HTR2B: variants seen among roughly 807,000 people sequenced by gnomAD.
The protein encoded by HTR2B is 5-HT 2B receptor.
Under a neutral mutation model 39.8 loss-of-function variants are expected in HTR2B, and 31 were observed. The observed-to-expected ratio is 0.78, with a 90% CI of 0.58 to 1.05. HTR2B has a LOEUF of 1.05. HTR2B is among the 50% of genes least tolerant of loss of function. The pLI is 0.00. For synonymous variants in HTR2B, 210 were observed against 207.1 expected (o/e 1.01, Z -0.12); for missense variants, 562 against 578.0 (o/e 0.97, Z 0.28).
At chr2:231,116,972 GAAAA>G in intron 2 of HTR2B, among the ~76,000 whole-genome samples, 1 of 151,872 alleles carries the variant, frequency 6.6e-6, no homozygotes, top group South Asian at 2.1e-4. Flanking sequence ...ACACAAAAAA[GAAAA>G]AGAGGCTTTT....
Position 231,113,858 on chromosome 2 carries a change from A to T in HTR2B, c.424T>A (p.Ser142Thr). 1 of 1,614,186 alleles carries T rather than the reference A, an allele frequency of 6.2e-7. No individual in the cohort carries two copies. The highest frequency in any genetic ancestry group is 8.5e-7 in the Non-Finnish European group (1 of 1,180,006). The change falls in exon 3 of 4, where the codon TCC (serine) becomes ACC (threonine). Residue 142 changes from serine (S) to threonine (T), a missense_variant. Transcript: ENST00000258400. ...GAAATGGCACAGAGATGCATGATGG[A>T]TGCGGTTGAAAAGAGAACGTCAAGA... ...LFLDVLFSTASIMHLCAISVD... is the reference protein window; with the variant it reads ...LFLDVLFSTATIMHLCAISVD...
At position 231,108,915 on chromosome 2, in the gene HTR2B, A is replaced by G; in HGVS notation, c.1048T>C (p.Cys350Arg). ...FFITNITLVLCDSCNQTTLQM... is the reference protein window; with the variant it reads ...FFITNITLVLRDSCNQTTLQM... ...AGAGTAGTTTGGTTACAGGAATCAC[A>G]TAAAACTAAAGTTATATTTGTAATA... The change falls in exon 4 of 4, where the codon TGT becomes CGT. Residue 350 changes from cysteine (C) to arginine (R), a missense_variant. Coordinates refer to ENST00000258400, the MANE Select transcript of HTR2B (RefSeq NM_000867.5). 1 of 1,614,184 alleles carries G rather than the reference A, an allele frequency of 6.2e-7. No homozygotes were observed.
intron 2 of HTR2B, among the ~76,000 whole-genome samples, chr2:231,119,568 A>G (rs1695459171): frequency 6.6e-6 from 1 of 152,140 alleles, no homozygotes; most frequent in Non-Finnish European, 1.5e-5. Flanking sequence ...ATCATGAGGC[A>G]TCAATTGAAA....
Position 231,108,440 on chromosome 2 carries a change from A to G in HTR2B, c.*77T>C, listed in dbSNP as rs1057029086. The G allele has an allele frequency of 9.9e-7, 1 of 1,009,240 alleles. No individual in the cohort carries two copies. The highest frequency in any genetic ancestry group is 1.5e-6 in the Non-Finnish European group (1 of 658,688). 62.5% of individuals were successfully genotyped at this position (1,009,240 alleles called of 1,614,324 possible). A position where few individuals can be genotyped will look rare whatever the true frequency, so the allele number is the denominator to read the frequency against. On this transcript the variant is annotated 3_prime_UTR_variant, in exon 4 of 4. Transcript: ENST00000258400. ...TGATATATGACATAAAATTCTTTAT[A>G]TAATATATTCTTGGCACATTTACAT...
At chr2:231,112,659 T>C (rs1267261778) in intron 3 of HTR2B, among the ~76,000 whole-genome samples, 6 of 152,198 alleles carry the variant, frequency 3.9e-5, no homozygotes, top group Non-Finnish European at 5.9e-5. Flanking sequence ...GGTCAAACCA[T>C]TGTAATTTTT....
intron 3 of HTR2B, among the ~76,000 whole-genome samples, chr2:231,109,957 G>C (rs1695099035): frequency 6.6e-6 from 1 of 152,134 alleles, no homozygotes; most frequent in South Asian, 2.1e-4. Context: ...TCATTAAAAA[G>C]TGCTACTTAA....
intron 2 of HTR2B, 147 bp from the exon 3 acceptor site, chr2:231,114,076 A>T: frequency 1.5e-6 from 1 of 680,268 alleles, no homozygotes; most frequent in Non-Finnish European, 2.6e-6. Context: ...ACTTCAGATA[A>T]TGGAGACAAC....
chr2:231,123,984 C>A lies in HTR2B; in HGVS notation c.-220G>T. On this transcript the variant is annotated 5_prime_UTR_variant, in exon 2 of 4. Coordinates refer to ENST00000258400, the MANE Select transcript of HTR2B (RefSeq NM_000867.5). ...AAGATATCCAAGTATTTATTATTTTCTAGAGGCTTAAATTTAGGAAAGCTC... is the reference window on the plus strand; with the variant it reads ...AAGATATCCAAGTATTTATTATTTTATAGAGGCTTAAATTTAGGAAAGCTC... 1.9e-6 allele frequency: 1 copy of A among 522,306 alleles called. No individual in the cohort carries two copies. Among genetic ancestry groups the A allele is most frequent in the Non-Finnish European group, 3.4e-6 (1 of 290,912 alleles). 32.4% of individuals were successfully genotyped at this position (522,306 alleles called of 1,614,324 possible).
Position 231,108,587 on chromosome 2 carries a change from A to G in HTR2B, c.1376T>C (p.Ile459Thr). ...AGTGAGGAGAAGCGTATCTAGTAGA[A>G]TGATTGATGAAGACTGAATGGTTGA... The part of the protein sequence containing the change: ...RSSTIQSSSI[I>T]LLDTLLLTEN... The change falls in exon 4 of 4, where the codon ATT becomes ACT. Residue 459 changes from isoleucine to threonine, a missense_variant. Coordinates refer to ENST00000258400, the MANE Select transcript of HTR2B (RefSeq NM_000867.5). 2 of 1,613,944 alleles carry G rather than the reference A, an allele frequency of 1.2e-6. No homozygotes were observed. Among genetic ancestry groups the G allele is most frequent in the South Asian group, 1.1e-5 (1 of 91,076 alleles).
chr2:231,109,167 TA>T lies in HTR2B; in HGVS notation c.795del (p.Thr266GlnfsTer61). ...GGTGTTTCATCCCTTTGGAAAACTG[TA>T]GACACAGTCAACCATGTTAGGCGTT... ...PPQRLTWLTV[S>X]TVFQRDETPC... On this transcript the variant is annotated frameshift_variant, in exon 4 of 4. Transcript: ENST00000258400. LOFTEE classifies it high-confidence loss of function. 1 of 1,614,210 alleles carries T rather than the reference TA, an allele frequency of 6.2e-7. No homozygotes were observed. The highest frequency in any genetic ancestry group is 8.5e-7 in the Non-Finnish European group (1 of 1,180,038).
At chr2:231,113,628 C>G (rs1476412905) in intron 3 of HTR2B, 101 bp downstream of exon 3, 2 of 1,021,542 alleles carry the variant, frequency 2.0e-6, no homozygotes, top group Admixed American at 3.4e-5. Flanking sequence ...CTGGCTTGAC[C>G]TCTCATGCTG....
chr2:231,123,338 TTAAA>T (rs1160995006), intron 2 of HTR2B, 71 bp downstream of exon 2: 1 of 1,068,996 alleles, frequency 9.4e-7, no homozygotes, highest in Non-Finnish European at 1.5e-6. Flanking sequence ...AAAGTAAAGA[TTAAA>T]TGAGTGTCCA....
At chr2:231,116,382 A>G (rs1695335000) in intron 2 of HTR2B, among the ~76,000 whole-genome samples, 1 of 152,124 alleles carries the variant, frequency 6.6e-6, no homozygotes, top group African/African-American at 2.4e-5. Flanking sequence ...GCAGGTAATT[A>G]TTGTGTTATA....
intron 2 of HTR2B, among the ~76,000 whole-genome samples, chr2:231,121,478 T>C (rs1030785184): frequency 2.6e-5 from 4 of 152,218 alleles, no homozygotes; most frequent in Non-Finnish European, 5.9e-5. Context: ...TTCACATATT[T>C]TATGTTAACA....
At chr2:231,115,636 A>T (rs1695304360) in intron 2 of HTR2B, among the ~76,000 whole-genome samples, 1 of 152,140 alleles carries the variant, frequency 6.6e-6, no homozygotes, top group Non-Finnish European at 1.5e-5. Context: ...AGATTTATTG[A>T]GCTGGAAGGA....
intron 2 of HTR2B, among the ~76,000 whole-genome samples, chr2:231,120,376 C>T (rs1398496346): frequency 2.0e-5 from 3 of 152,272 alleles, no homozygotes; most frequent in East Asian, 3.9e-4. Context: ...GTATTTCTAA[C>T]GTAGGTATTT....
At position 231,109,015 on chromosome 2, in the gene HTR2B, A is replaced by C; in HGVS notation, c.948T>G (p.Ile316Met). 2 of 1,614,222 alleles carry C rather than the reference A, an allele frequency of 1.2e-6. No homozygotes were observed. Among genetic ancestry groups the C allele is most frequent in the Non-Finnish European group, 1.7e-6 (2 of 1,180,030 alleles). Reference protein sequence around the residue: ...STIGKKSVQTISNEQRASKVL... With the variant: ...STIGKKSVQTMSNEQRASKVL... ...CCTTTGAGGCTCTCTGTTCGTTGGA[A>C]ATGGTCTGCACTGACTTTTTCCCAA... Residue 316 changes from isoleucine to methionine, a missense_variant, in exon 4 of 4, where the codon ATT (isoleucine) becomes ATG (methionine). Coordinates refer to ENST00000258400, the MANE Select transcript of HTR2B (RefSeq NM_000867.5).
At position 231,108,262 on chromosome 2, in the gene HTR2B, CT is replaced by C. The variant is rs1327583521; in HGVS notation, c.*254del. ...TAAAGCCTGAAATTTATTGATTTGA[CT>C]TTATTTCATTCGAATACCTTAAAAT... On this transcript the variant is annotated 3_prime_UTR_variant, in exon 4 of 4. Transcript: ENST00000258400. The C allele has an allele frequency of 5.4e-6, 2 of 367,094 alleles. No homozygotes were observed. The highest frequency in any genetic ancestry group is 9.8e-6 in the Non-Finnish European group (2 of 203,572). 22.7% of individuals were successfully genotyped at this position (367,094 alleles called of 1,614,324 possible). A position where few individuals can be genotyped will look rare whatever the true frequency, so the allele number is the denominator to read the frequency against.
intron 2 of HTR2B, among the ~76,000 whole-genome samples, chr2:231,122,568 A>G (rs867680787): frequency 1.3e-4 from 20 of 152,140 alleles, no homozygotes; most frequent in Non-Finnish European, 1.5e-4. Flanking sequence ...GCTGATTCCA[A>G]GGGTCTAGGA....
Sources: gnomAD v4.1 joint callset for allele counts (sites outside exome capture counted in the v4.1 genomes callset) on GRCh38, gnomAD v4.1.1 for gene constraint, MANE v1.5 for transcripts, NCBI Gene and HGNC (gene_info 2026-07-23, HGNC 2026-07-21) for gene names.